The following ALCAM variants were observed in gnomAD, a reference collection of about 807,000 sequenced individuals.
ALCAM encodes the protein activated leukocyte cell adhesion molecule.
Under a neutral mutation model 70.9 loss-of-function variants are expected in ALCAM, and 30 were observed. The observed-to-expected ratio is 0.42, with a 90% CI of 0.32 to 0.57. The LOEUF (loss-of-function observed/expected upper bound fraction) is 0.57, where lower values mean the gene tolerates loss of function less well. Among genes scored for constraint, ALCAM ranks in the 20% least tolerant of loss-of-function variants. ALCAM has a pLI of 0.11. For missense variants in ALCAM, 591 were observed against 695.1 expected (o/e 0.85, Z 1.68); for synonymous variants, 249 against 242.5 (o/e 1.03, Z -0.25).
At chr3:105,434,343 A>G (rs1937004724) in intron 1 of ALCAM, among the ~76,000 whole-genome samples, 2 of 152,168 alleles carry the variant, frequency 1.3e-5, no homozygotes, top group African/African-American at 4.8e-5. Flanking sequence ...GGGAAATTTC[A>G]AATACATAAG....
At chr3:105,391,996 T>C (rs943551830) in intron 1 of ALCAM, among the ~76,000 whole-genome samples, 5 of 152,146 alleles carry the variant, frequency 3.3e-5, no homozygotes, top group African/African-American at 1.2e-4. Flanking sequence ...TGATGATTTT[T>C]ACATCAGTGT....
At chr3:105,384,921 C>T (rs1327491660) in intron 1 of ALCAM, among the ~76,000 whole-genome samples, 1 of 151,506 alleles carries the variant, frequency 6.6e-6, no homozygotes, top group Non-Finnish European at 1.5e-5. Context: ...ACAAGACTTT[C>T]TCTTTGTTGA....
At chr3:105,467,896 T>G (rs150086057) in intron 1 of ALCAM, among the ~76,000 whole-genome samples, 28 of 151,404 alleles carry the variant, frequency 1.8e-4, no homozygotes, top group African/African-American at 6.8e-4. Flanking sequence ...ACTTCTTTCC[T>G]CATTTTTCAT....
intron 1 of ALCAM, among the ~76,000 whole-genome samples, chr3:105,436,398 A>G (rs1217025013): frequency 6.6e-6 from 1 of 151,818 alleles, no homozygotes; most frequent in Non-Finnish European, 1.5e-5. Context: ...GCTGGAGTGC[A>G]GTGGTGCGAT....
At chr3:105,573,412 C>T (rs1940897858) in intron 15 of ALCAM, among the ~76,000 whole-genome samples, 2 of 152,120 alleles carry the variant, frequency 1.3e-5, no homozygotes, top group South Asian at 2.1e-4. Context: ...TATCCCAAAT[C>T]ATTTTAATGA....
chr3:105,414,551 G>A (rs13085657), intron 1 of ALCAM, among the ~76,000 whole-genome samples: 1 of 151,982 alleles, frequency 6.6e-6, no homozygotes, highest in Non-Finnish European at 1.5e-5. Context: ...AGAGGAGGCT[G>A]CTATGAAGTT....
At chr3:105,537,986 ACT>A (rs1404351793) in intron 6 of ALCAM, among the ~76,000 whole-genome samples, 2 of 152,154 alleles carry the variant, frequency 1.3e-5, no homozygotes, top group South Asian at 2.1e-4. Flanking sequence ...AAGAGAGAAG[ACT>A]CTCACTTGAG....
Position 105,422,098 on chromosome 3 carries a change from TTTCCA to T in ALCAM, c.73+54622_73+54626del, listed in dbSNP as rs1936665428. ...TAAGTGAGAACATACAGTATTTGAG[TTTCCA>T]TTCCTGAGTGACTTCATTTAGAATA... On this transcript the variant is annotated intron_variant, in intron 1 of 15. Coordinates refer to ENST00000306107, the MANE Select transcript of ALCAM (RefSeq NM_001627.4). Among the ~76,000 whole-genome samples, 2 of 151,514 alleles carry T rather than the reference TTTCCA, an allele frequency of 1.3e-5. 1 individual carries two copies. Among genetic ancestry groups the T allele is most frequent in the African/African-American group, 4.8e-5 (2 of 41,444 alleles).
At chr3:105,412,495 G>A (rs959242354) in intron 1 of ALCAM, among the ~76,000 whole-genome samples, 1 of 152,010 alleles carries the variant, frequency 6.6e-6, no homozygotes, top group African/African-American at 2.4e-5. Context: ...TAAAATTAGC[G>A]ATCCATATGG....
At chr3:105,403,630 G>T (rs568272637) in intron 1 of ALCAM, among the ~76,000 whole-genome samples, 1 of 151,946 alleles carries the variant, frequency 6.6e-6, no homozygotes, top group Non-Finnish European at 1.5e-5. Context: ...CTACACCAAC[G>T]AAAAGGAATC....
At chr3:105,541,014 G>T (rs993653783) in intron 7 of ALCAM, among the ~76,000 whole-genome samples, 2 of 151,918 alleles carry the variant, frequency 1.3e-5, no homozygotes, top group Admixed American at 6.6e-5. Flanking sequence ...AGCCAAATTT[G>T]TGTCTCAGTT....
At chr3:105,463,389 T>C (rs963960078) in intron 1 of ALCAM, among the ~76,000 whole-genome samples, 2 of 151,464 alleles carry the variant, frequency 1.3e-5, no homozygotes, top group African/African-American at 2.4e-5. Flanking sequence ...TCTATTTCTG[T>C]GTCCAGTAAA....
chr3:105,472,721 T>C (rs1937970021), intron 1 of ALCAM, among the ~76,000 whole-genome samples: 1 of 151,382 alleles, frequency 6.6e-6, no homozygotes, highest in Admixed American at 6.6e-5. Flanking sequence ...AAACACTGAG[T>C]AATTTACCAA....
At chr3:105,562,127 C>T (rs977387597) in intron 14 of ALCAM, among the ~76,000 whole-genome samples, 6 of 152,150 alleles carry the variant, frequency 3.9e-5, no homozygotes, top group African/African-American at 9.7e-5. Context: ...AAGGCCCTGC[C>T]CTGAGACATC....
intron 14 of ALCAM, among the ~76,000 whole-genome samples, chr3:105,559,414 A>T (rs561318353): frequency 1.5e-4 from 23 of 151,904 alleles, no homozygotes; most frequent in African/African-American, 5.3e-4. Context: ...GAGACTGGGA[A>T]TTTCAAGATC....
intron 3 of ALCAM, among the ~76,000 whole-genome samples, chr3:105,527,204 A>G (rs994705073): frequency 2.0e-4 from 31 of 152,172 alleles, no homozygotes; most frequent in Admixed American, 2.0e-3. Flanking sequence ...TAATAAAACC[A>G]TTCAGAAGCA....
chr3:105,442,554 G>A (rs1219936611), intron 1 of ALCAM, among the ~76,000 whole-genome samples: 1 of 152,098 alleles, frequency 6.6e-6, no homozygotes, highest in Non-Finnish European at 1.5e-5. Context: ...GGCTGAGGCG[G>A]GTGGATCACG....
chr3:105,415,213 T>G (rs6779807), intron 1 of ALCAM, among the ~76,000 whole-genome samples: 104,850 of 152,042 alleles, frequency 0.69, 36,473 homozygotes, highest in East Asian at 0.93. Context: ...TCTGTAAACA[T>G]AATTACTTGC....
chr3:105,382,346 A>C (rs1049300159), intron 1 of ALCAM, among the ~76,000 whole-genome samples: 3 of 151,910 alleles, frequency 2.0e-5, no homozygotes, highest in African/African-American at 7.3e-5. Flanking sequence ...TCATTGTTGG[A>C]CATTTGGGTT....
Sources: allele counts gnomAD v4.1 joint callset (sites outside exome capture counted in the v4.1 genomes callset), GRCh38; gene constraint gnomAD v4.1.1; transcripts MANE v1.5; gene names NCBI Gene and HGNC (gene_info 2026-07-23, HGNC 2026-07-21).